Variants in ELAVL2 observed in about 807,000 individuals in gnomAD.
The protein encoded by ELAVL2 is ELAV like RNA binding protein 2.
ELAVL2 carries 4 observed loss-of-function variants against 34.6 expected under a neutral mutation model. The ratio of observed to expected loss-of-function variants is 0.12; its 90% CI spans 0.06 to 0.26. ELAVL2 has a LOEUF of 0.26. Ranked by LOEUF, ELAVL2 falls within the 10% of genes least tolerant of loss-of-function variation. The probability of loss-of-function intolerance (pLI) is 1.00; values close to 1 mark genes in which losing one functional copy is unlikely to be tolerated. For synonymous variants in ELAVL2, 193 were observed against 154.8 expected (o/e 1.25, Z -1.83); for missense variants, 432 against 442.8 (o/e 0.98, Z 0.22).
chr9:23,797,880 A>T (rs1435137615), intron 1 of ELAVL2, among the ~76,000 whole-genome samples: 2 of 152,208 alleles, frequency 1.3e-5, no homozygotes, highest in Non-Finnish European at 2.9e-5. Flanking sequence ...GTAAGCTGAA[A>T]TCACGCCATT....
chr9:23,758,377 G>GT (rs1397973201), intron 2 of ELAVL2, among the ~76,000 whole-genome samples: 1 of 151,934 alleles, frequency 6.6e-6, no homozygotes, highest in East Asian at 1.9e-4. Flanking sequence ...GAAGTATTCA[G>GT]TAAGAAACTC....
intron 1 of ELAVL2, among the ~76,000 whole-genome samples, chr9:23,774,227 A>AC (rs1386878539): frequency 2.2e-4 from 33 of 147,238 alleles, no homozygotes; most frequent in African/African-American, 8.1e-4. Context: ...AAAAAAAAAA[A>AC]AAAAAAAAAA....
At chr9:23,758,388 A>G (rs2054092142) in intron 2 of ELAVL2, among the ~76,000 whole-genome samples, 1 of 152,084 alleles carries the variant, frequency 6.6e-6, no homozygotes, top group Admixed American at 6.6e-5. Context: ...TAAGAAACTC[A>G]GAAAAAAAAA....
intron 1 of ELAVL2, among the ~76,000 whole-genome samples, chr9:23,790,301 T>G (rs1363432897): frequency 6.6e-6 from 1 of 152,128 alleles, no homozygotes; most frequent in Non-Finnish European, 1.5e-5. Flanking sequence ...CCTGGTTGGA[T>G]GAAAGGAGAG....
intron 5 of ELAVL2, among the ~76,000 whole-genome samples, chr9:23,695,586 T>C (rs770569642): frequency 2.0e-5 from 3 of 152,162 alleles, no homozygotes; most frequent in Non-Finnish European, 4.4e-5. Flanking sequence ...AATGCACTTA[T>C]ACAAACCTAG....
At chr9:23,791,276 T>C (rs2060290458) in intron 1 of ELAVL2, among the ~76,000 whole-genome samples, 1 of 152,120 alleles carries the variant, frequency 6.6e-6, no homozygotes, top group African/African-American at 2.4e-5. Context: ...TGACCAATCG[T>C]AAAGATGAGA....
At chr9:23,755,006 C>A (rs1309953050) in intron 2 of ELAVL2, among the ~76,000 whole-genome samples, 1 of 152,082 alleles carries the variant, frequency 6.6e-6, no homozygotes, top group Admixed American at 6.6e-5. Flanking sequence ...TCATTACTTA[C>A]CCCTACATAT....
chr9:23,826,720 T>C (rs935931979), upstream of ELAVL2, among the ~76,000 whole-genome samples: 3 of 152,188 alleles, frequency 2.0e-5, no homozygotes, highest in Non-Finnish European at 4.4e-5. Context: ...CTGTGGCATA[T>C]TTCTTTATAA....
intron 1 of ELAVL2, among the ~76,000 whole-genome samples, chr9:23,798,067 G>C (rs117953757): frequency 2.2e-4 from 33 of 152,330 alleles, no homozygotes; most frequent in Non-Finnish European, 4.6e-4. Context: ...CTGAATGCCT[G>C]AAAGTGTTTG....
intron 4 of ELAVL2, among the ~76,000 whole-genome samples, chr9:23,703,440 G>A (rs1418083120): frequency 6.6e-6 from 1 of 152,136 alleles, no homozygotes; most frequent in Non-Finnish European, 1.5e-5. Flanking sequence ...CAATTAAGGA[G>A]GCTGTATTTT....
intron 1 of ELAVL2, among the ~76,000 whole-genome samples, chr9:23,822,268 G>T (rs957496298): frequency 4.6e-5 from 7 of 152,160 alleles, no homozygotes; most frequent in Non-Finnish European, 1.0e-4. Context: ...GCAGCCAAGG[G>T]GTCCTGTCCC....
chr9:23,811,486 T>C (rs1484100439), intron 1 of ELAVL2, among the ~76,000 whole-genome samples: 1 of 152,200 alleles, frequency 6.6e-6, no homozygotes, highest in African/African-American at 2.4e-5. Context: ...GCCATGAAGA[T>C]GACGCAAGGA....
chr9:23,761,102 C>A (rs758084742), intron 2 of ELAVL2, among the ~76,000 whole-genome samples: 2 of 151,964 alleles, frequency 1.3e-5, no homozygotes, highest in Non-Finnish European at 2.9e-5. Flanking sequence ...TTCACACTGC[C>A]TTTAAGTATC....
intron 1 of ELAVL2, among the ~76,000 whole-genome samples, chr9:23,772,668 T>C (rs966175452): frequency 5.9e-5 from 9 of 152,208 alleles, no homozygotes; most frequent in Middle Eastern, 3.4e-3. Flanking sequence ...CATTGATGTA[T>C]TGTGGAGAGC....
At chr9:23,814,106 C>G (rs1318630490) in intron 1 of ELAVL2, among the ~76,000 whole-genome samples, 1 of 152,146 alleles carries the variant, frequency 6.6e-6, no homozygotes, top group Non-Finnish European at 1.5e-5. Flanking sequence ...CAACTCACAA[C>G]TATTTAAAAC....
intron 1 of ELAVL2, among the ~76,000 whole-genome samples, chr9:23,776,566 A>G (rs1182838338): frequency 6.6e-6 from 1 of 152,114 alleles, no homozygotes; most frequent in African/African-American, 2.4e-5. Flanking sequence ...AGATGCTGGG[A>G]AAACAAAGAT....
chr9:23,725,439 G>T (rs1376698024), intron 3 of ELAVL2, among the ~76,000 whole-genome samples: 1 of 152,122 alleles, frequency 6.6e-6, no homozygotes, highest in Non-Finnish European at 1.5e-5. Flanking sequence ...CTCAAACACA[G>T]AACTGTGCTG....
rs761372864 is a variant in ELAVL2, at chr9:23,822,724, C to A, written c.-16+3082G>T. ...TGCAAAGGCATCGATTTTAGCCCTT[C>A]TCCTAAAATACTACATTTAAAAAAT... On this transcript the variant is annotated intron_variant, in intron 1 of 6. Transcript: ENST00000397312. Among the ~76,000 whole-genome samples, 2 of 152,216 alleles carry A rather than the reference C, an allele frequency of 1.3e-5. 1 individual carries two copies. The highest frequency in any genetic ancestry group is 4.8e-5 in the African/African-American group (2 of 41,448).
chr9:23,757,781 G>A (rs1342658843), intron 2 of ELAVL2, among the ~76,000 whole-genome samples: 2 of 152,036 alleles, frequency 1.3e-5, no homozygotes, highest in Admixed American at 1.3e-4. Context: ...TTAGTCTAGA[G>A]AGAAGATTAT....
Sources: gnomAD v4.1 joint callset for allele counts (sites outside exome capture counted in the v4.1 genomes callset) on GRCh38, gnomAD v4.1.1 for gene constraint, MANE v1.5 for transcripts, NCBI Gene and HGNC (gene_info 2026-07-23, HGNC 2026-07-21) for gene names.